The following SORCS1 variants were observed in gnomAD, a reference collection of about 807,000 sequenced individuals.
The protein encoded by SORCS1 is VPS10 domain-containing receptor SorCS1.
In SORCS1, 60 loss-of-function variants were observed where a neutral mutation model predicts 146.1. The observed-to-expected ratio is 0.41, with a 90% CI of 0.33 to 0.51. The LOEUF (loss-of-function observed/expected upper bound fraction) is 0.51. Among genes scored for constraint, SORCS1 ranks in the 20% least tolerant of loss-of-function variants. The pLI, the probability that SORCS1 is intolerant of heterozygous loss-of-function variation, is 0.21. For missense variants in SORCS1, 1,352 were observed against 1,487.6 expected, an observed-to-expected ratio of 0.91 and a Z score of 1.50; for synonymous variants, 637 against 584.0, an observed-to-expected ratio of 1.09 and a Z score of -1.31.
At position 106,865,277 on chromosome 10, in the gene SORCS1, C is replaced by T. The variant is rs1950186624; in HGVS notation, c.627-35604G>A. 2.6e-5 allele frequency among the ~76,000 whole-genome samples: 4 copies of T among 151,254 alleles called. No homozygotes were observed. In the South Asian group the frequency reaches 6.3e-4, roughly 24 times the overall value. ...CATTTGAGCTGGCAATGGGTCCATA[C>T]CTTCCTGGGACAGAGCTCCCAGAGG... On this transcript the variant is annotated intron_variant, in intron 2 of 25. Coordinates refer to ENST00000263054, the MANE Select transcript of SORCS1 (RefSeq NM_052918.5).
At position 106,739,173 on chromosome 10, in the gene SORCS1, C is replaced by T. The variant is rs147001954; in HGVS notation, c.960-9059G>A. Reference sequence around the variant, plus strand: ...AGAAGAAAGTCCAGAGTTTGGCCCACTCTTCCCCTGGGGAAAACTGTCATT... The same window carrying T: ...AGAAGAAAGTCCAGAGTTTGGCCCATTCTTCCCCTGGGGAAAACTGTCATT... On this transcript the variant is annotated intron_variant, in intron 5 of 25. Coordinates refer to ENST00000263054, the MANE Select transcript of SORCS1 (RefSeq NM_052918.5). Among the ~76,000 whole-genome samples, 313 of 152,276 alleles carry T rather than the reference C, an allele frequency of 2.1e-3. 7 individuals are homozygous for T. The East Asian group carries it at 0.023, about 11-fold the overall frequency.
intron 2 of SORCS1, among the ~76,000 whole-genome samples, chr10:106,887,380 A>G (rs999998765): frequency 6.6e-6 from 1 of 152,212 alleles, no homozygotes; most frequent in Non-Finnish European, 1.5e-5. Flanking sequence ...CATGCCTGAC[A>G]TTCAGTAATT....
chr10:106,952,545 T>TATTAC (rs1341591017), intron 2 of SORCS1, among the ~76,000 whole-genome samples: 24 of 123,962 alleles, frequency 1.9e-4, no homozygotes, highest in Admixed American at 1.4e-3. Flanking sequence ...ACACATTATA[T>TATTAC]ATTATATTAT....
intron 18 of SORCS1, among the ~76,000 whole-genome samples, chr10:106,650,954 A>G (rs1849815034): frequency 6.6e-6 from 1 of 152,024 alleles, no homozygotes; most frequent in Non-Finnish European, 1.5e-5. Context: ...CTAATCTGTC[A>G]TAGTCTCAAG....
intron 1 of SORCS1, among the ~76,000 whole-genome samples, chr10:106,998,344 G>A (rs1217120196): frequency 6.6e-6 from 1 of 152,202 alleles, no homozygotes; most frequent in Non-Finnish European, 1.5e-5. Context: ...GGTCATTCAC[G>A]ATGGCCTTTC....
At chr10:106,915,104 A>G (rs1272216534) in intron 2 of SORCS1, among the ~76,000 whole-genome samples, 1 of 152,198 alleles carries the variant, frequency 6.6e-6, no homozygotes, top group Non-Finnish European at 1.5e-5. Flanking sequence ...TTTGGTAACT[A>G]TGCTTAAGTG....
At chr10:106,584,463 A>C (rs1845104713) in intron 24 of SORCS1, among the ~76,000 whole-genome samples, 1 of 152,220 alleles carries the variant, frequency 6.6e-6, no homozygotes, top group Non-Finnish European at 1.5e-5. Context: ...GTAAAGAGTA[A>C]ACAGTCATAT....
rs1358109178 is a variant in SORCS1, at chr10:106,580,755, A to C, written c.3266-1281T>G. On this transcript the variant is annotated intron_variant, in intron 24 of 25. Coordinates refer to ENST00000263054, the MANE Select transcript of SORCS1 (RefSeq NM_052918.5). Reference sequence around the variant, plus strand: ...ACTCTCAGTTGCTTCTGCTCTGTCTACTCTTTTCAGGATTACATCTCGGCC... The same window carrying C: ...ACTCTCAGTTGCTTCTGCTCTGTCTCCTCTTTTCAGGATTACATCTCGGCC... 2.6e-5 allele frequency among the ~76,000 whole-genome samples: 4 copies of C among 151,866 alleles called. No individual in the cohort carries two copies. The East Asian group carries it at 5.8e-4, about 22-fold the overall frequency.
intron 19 of SORCS1, among the ~76,000 whole-genome samples, chr10:106,627,210 T>A (rs945513540): frequency 2.0e-5 from 3 of 152,116 alleles, no homozygotes; most frequent in Non-Finnish European, 4.4e-5. Context: ...GAAAAAAACC[T>A]ACAGAGTGAC....
intron 1 of SORCS1, among the ~76,000 whole-genome samples, chr10:107,025,970 C>T (rs141166375): frequency 2.3e-3 from 348 of 152,256 alleles, no homozygotes; most frequent in Non-Finnish European, 3.9e-3. Context: ...GCTACATCAG[C>T]CTCCCTTCAC....
At chr10:106,640,082 C>T (rs992139967) in intron 18 of SORCS1, among the ~76,000 whole-genome samples, 2 of 152,030 alleles carry the variant, frequency 1.3e-5, no homozygotes, top group African/African-American at 4.8e-5. Flanking sequence ...CCCTTTGTGC[C>T]ACCACTAAAG....
Position 106,968,177 on chromosome 10 carries a change from T to G in SORCS1, c.559-11597A>C, listed in dbSNP as rs550576022. On this transcript the variant is annotated intron_variant, in intron 1 of 25. Coordinates refer to ENST00000263054, the MANE Select transcript of SORCS1 (RefSeq NM_052918.5). ...GTGAGCCGAGATCGCGCCACTGCAC[T>G]CCAGCCTGGGCGACAGCGAGACTTC... Among the ~76,000 whole-genome samples, 317 of 151,776 alleles carry G rather than the reference T, an allele frequency of 2.1e-3. 1 individual carries two copies. Among genetic ancestry groups the G allele is most frequent in the African/African-American group, 7.3e-3 (303 of 41,388 alleles).
chr10:107,037,092 A>G (rs1388029782), intron 1 of SORCS1, among the ~76,000 whole-genome samples: 1 of 151,684 alleles, frequency 6.6e-6, no homozygotes, highest in East Asian at 1.9e-4. Context: ...TTAAAAATAC[A>G]AAAATTAGCT....
At chr10:106,700,373 T>C (rs991208072) in intron 8 of SORCS1, among the ~76,000 whole-genome samples, 1 of 152,188 alleles carries the variant, frequency 6.6e-6, no homozygotes, top group Non-Finnish European at 1.5e-5. Context: ...GCCTGCATTT[T>C]ACCCTTTGCC....
chr10:106,600,556 T>C (rs947320578), intron 23 of SORCS1: 1 of 985,380 alleles, frequency 1.0e-6, no homozygotes, highest in Non-Finnish European at 1.2e-6. Flanking sequence ...GTAGAAGTGT[T>C]TATCCTGTAT....
intron 1 of SORCS1, among the ~76,000 whole-genome samples, chr10:107,015,642 C>T (rs1017621749): frequency 2.0e-5 from 3 of 152,154 alleles, no homozygotes; most frequent in Admixed American, 2.0e-4. Context: ...CAATATCATG[C>T]AACACATGGC....
At chr10:106,577,673 A>G in intron 25 of SORCS1, 118 bp from the exon 26 acceptor site, 1 of 1,502,682 alleles carries the variant, frequency 6.7e-7, no homozygotes, top group Non-Finnish European at 8.8e-7. Flanking sequence ...ACTTTAATAA[A>G]GCAAACAGAG....
rs147266357 is a variant in SORCS1 at position 106,803,470 on chromosome 10, A to G, written c.726+26104T>C. Reference sequence around the variant, plus strand: ...ACTTTGATGTCTAGCACTAGTTTTCATTCTCACAATACTTTGTACATTTGA... The same window carrying G: ...ACTTTGATGTCTAGCACTAGTTTTCGTTCTCACAATACTTTGTACATTTGA... On this transcript the variant is annotated intron_variant, in intron 3 of 25. Coordinates refer to ENST00000263054, the MANE Select transcript of SORCS1 (RefSeq NM_052918.5). Among the ~76,000 whole-genome samples, 8 of 152,320 alleles carry G rather than the reference A, an allele frequency of 5.3e-5. No homozygotes were observed. The East Asian group carries it at 1.4e-3, about 26-fold the overall frequency.
At chr10:106,580,284 T>C (rs1480530342) in intron 24 of SORCS1, among the ~76,000 whole-genome samples, 1 of 152,154 alleles carries the variant, frequency 6.6e-6, no homozygotes, top group Non-Finnish European at 1.5e-5. Context: ...CTCCCCAAGA[T>C]GCTCCAGCCT....
Sources: gnomAD v4.1 joint callset for allele counts (sites outside exome capture counted in the v4.1 genomes callset) on GRCh38, gnomAD v4.1.1 for gene constraint, MANE v1.5 for transcripts, NCBI Gene and HGNC (gene_info 2026-07-23, HGNC 2026-07-21) for gene names.